The following CORO7 variants were observed in gnomAD, a reference collection of about 807,000 sequenced individuals.
CORO7 encodes coronin-7.
In CORO7, 107 loss-of-function variants were observed where a neutral mutation model predicts 126.6. The observed-to-expected ratio is 0.85, with a 90% CI of 0.72 to 0.99. CORO7 has a LOEUF of 0.99. Among genes scored for constraint, CORO7 ranks in the 50% least tolerant of loss-of-function variants. The pLI, the probability that CORO7 is intolerant of heterozygous loss-of-function variation, is 0.00. For missense variants in CORO7, 1,314 were observed against 1,255.8 expected (o/e 1.05, Z -0.70); for synonymous variants, 603 against 536.8 (o/e 1.12, Z -1.70).
chr16:4,361,051 G>T lies in CORO7; in HGVS notation c.1809C>A (p.His603Gln), dbSNP rs139750538. The T allele has an allele frequency of 6.2e-7, 1 of 1,613,418 alleles. No homozygotes were observed. The highest frequency in any genetic ancestry group is 8.5e-7 in the Non-Finnish European group (1 of 1,180,014). ...HTEKICSLRF[H>Q]PLAANVLASS... ...AGGCCAGCACATTGGCTGCCAGTGG[G>T]TGGAAGCGCAGGGAGCAGATCTTCT... is the stretch of plus-strand genomic sequence containing the variant. The change falls in exon 19 of 28, where the codon CAC becomes CAA. Residue 603 changes from histidine to glutamine, a missense_variant. Physicochemically the swap from His to Gln is conservative, Grantham distance 24. Transcript: ENST00000251166.
At chr16:4,369,081 C>CCCAG (rs1341060228) in intron 9 of CORO7, among the ~76,000 whole-genome samples, 2 of 152,276 alleles carry the variant, frequency 1.3e-5, no homozygotes, top group South Asian at 2.1e-4. Context: ...GTTCCATCGT[C>CCCAG]CCAGCCAGCC....
Position 4,357,765 on chromosome 16 carries a change from G to GTGTGTT in CORO7, c.2593+202_2593+203insAACACA, listed in dbSNP as rs1567241254. ...CCACAGTGTGTGCGTGTGTGTGTGT[G>GTGTGTT]TTAGGGGTGGGGACCTGTGATGAAA... On this transcript the variant is annotated intron_variant, in intron 25 of 27. Coordinates refer to ENST00000251166, the MANE Select transcript of CORO7 (RefSeq NM_024535.5). 578 of 837,622 alleles carry GTGTGTT rather than the reference G, an allele frequency of 6.9e-4. 6 individuals carry two copies. In the African/African-American group the frequency reaches 9.2e-3, roughly 13 times the overall value. 51.9% of individuals were successfully genotyped at this position (837,622 alleles called of 1,614,324 possible). A position where few individuals can be genotyped will look rare whatever the true frequency, so the allele number is the denominator to read the frequency against.
At chr16:4,367,563 T>C (rs1465345904) in intron 9 of CORO7, among the ~76,000 whole-genome samples, 1 of 151,950 alleles carries the variant, frequency 6.6e-6, no homozygotes, top group African/African-American at 2.4e-5. Context: ...GAAGGGAAGG[T>C]TCACCGAGGA....
intron 23 of CORO7, 28 bp from the exon 24 acceptor site, chr16:4,358,511 C>T (rs772896182): frequency 1.5e-5 from 23 of 1,560,588 alleles, no homozygotes; most frequent in Admixed American, 1.8e-5. Context: ...TCGGAGCTGC[C>T]GCTGGGACCT....
At chr16:4,403,098 A>T (rs2141305885) in intron 6 of CORO7, among the ~76,000 whole-genome samples, 1 of 152,086 alleles carries the variant, frequency 6.6e-6, no homozygotes, top group Middle Eastern at 3.4e-3. Flanking sequence ...CCGTGGCATG[A>T]GCAGCTCCAG....
intron 9 of CORO7, chr16:4,381,309 C>A (rs765216259): frequency 6.2e-7 from 1 of 1,611,892 alleles, no homozygotes; most frequent in Non-Finnish European, 8.5e-7. Context: ...CTGGTGCCTT[C>A]GACACGCTCG....
At chr16:4,397,376 G>A (rs972766329) in intron 6 of CORO7, 1 of 151,806 alleles carries the variant, frequency 6.6e-6, no homozygotes, top group Non-Finnish European at 1.5e-5. Flanking sequence ...CTGGGAGACG[G>A]AGGTTGCAAT....
chr16:4,405,451 T>C (rs776932147), intron 6 of CORO7, 40 bp downstream of exon 6: 5 of 1,598,490 alleles, frequency 3.1e-6, no homozygotes, highest in Non-Finnish European at 8.5e-7. Context: ...CCAGGAGGCC[T>C]GCACAGAGCC....
chr16:4,382,573 G>A (rs1596308367), intron 9 of CORO7: 1 of 1,593,534 alleles, frequency 6.3e-7, no homozygotes, highest in Non-Finnish European at 8.5e-7. Flanking sequence ...CCACGCCCCA[G>A]TCACCCAGGC....
At chr16:4,415,942 C>A (rs989497415) in intron 1 of CORO7, 172 of 971,204 alleles carry the variant, frequency 1.8e-4, no homozygotes, top group Non-Finnish European at 2.1e-4. Context: ...CCGGCGGAAA[C>A]CCGAGGGAGG....
intron 9 of CORO7, among the ~76,000 whole-genome samples, chr16:4,370,922 C>A (rs2054501485): frequency 6.6e-6 from 1 of 152,198 alleles, no homozygotes; most frequent in South Asian, 2.1e-4. Context: ...CTGAGCTGGG[C>A]CCCCAAAGGC....
At chr16:4,374,059 G>A (rs1034451878) in intron 9 of CORO7, among the ~76,000 whole-genome samples, 12 of 152,084 alleles carry the variant, frequency 7.9e-5, no homozygotes, top group African/African-American at 2.9e-4. Context: ...GAATTTGCGT[G>A]AGTTCTTGGA....
chr16:4,361,678 G>A (rs191594826), intron 16 of CORO7: 13 of 793,966 alleles, frequency 1.6e-5, no homozygotes, highest in Admixed American at 8.0e-5. Context: ...GGGCAGCAGC[G>A]TGAACTGGCG....
At chr16:4,398,045 A>G (rs1251089512) in intron 6 of CORO7, among the ~76,000 whole-genome samples, 3 of 152,138 alleles carry the variant, frequency 2.0e-5, no homozygotes, top group Non-Finnish European at 4.4e-5. Context: ...CTTCCCAAGT[A>G]TGTGGGACCA....
Position 4,358,406 on chromosome 16 carries a change from G to A in CORO7, c.2418C>T (p.Ser806=). 6.2e-7 allele frequency: 1 copy of A among 1,612,536 alleles called. No individual in the cohort carries two copies. Among genetic ancestry groups the A allele is most frequent in the Non-Finnish European group, 8.5e-7 (1 of 1,179,686 alleles). Residue 806 remains serine, a synonymous_variant, in exon 24 of 28, where the codon TCC becomes TCT. Transcript: ENST00000251166. ...GCCGGAAGGCCACAGGCTCCAGGGA[G>A]GACTGACGCAGCCGCAGGCACCGCA... ...ELMRCLRLRQ[S]SLEPVAFRLP...
intron 3 of CORO7, among the ~76,000 whole-genome samples, chr16:4,410,730 C>G (rs957185601): frequency 2.6e-5 from 4 of 152,172 alleles, no homozygotes; most frequent in Non-Finnish European, 5.9e-5. Context: ...AGAGGAGAGG[C>G]CAGTAAACGT....
intron 9 of CORO7, chr16:4,381,816 G>A (rs751499912): frequency 3.7e-6 from 6 of 1,600,504 alleles, no homozygotes; most frequent in Non-Finnish European, 5.1e-6. Flanking sequence ...GCCCCTGGGT[G>A]CGCGAGAGCC....
chr16:4,397,552 G>A (rs1260617549), intron 6 of CORO7: 2 of 152,106 alleles, frequency 1.3e-5, no homozygotes, highest in Admixed American at 6.5e-5. Context: ...CTTGAGCCCC[G>A]GAATTTGAGA....
rs971101569 is a variant in CORO7 at position 4,404,702 on chromosome 16, A to T, written c.564+789T>A. On this transcript the variant is annotated intron_variant, in intron 6 of 27. Transcript: ENST00000251166. Reference sequence around the variant, plus strand: ...CCTCTCCTACTGCCTCAGGACCGCCACGCCTCCCACCCAATCCTTCTCCAA... The same window carrying T: ...CCTCTCCTACTGCCTCAGGACCGCCTCGCCTCCCACCCAATCCTTCTCCAA... Among the ~76,000 whole-genome samples, 2 of 151,444 alleles carry T rather than the reference A, an allele frequency of 1.3e-5. 1 individual carries two copies. Among genetic ancestry groups the T allele is most frequent in the South Asian group, 4.2e-4 (2 of 4,772 alleles).
Sources: gnomAD v4.1 joint callset for allele counts (sites outside exome capture counted in the v4.1 genomes callset) on GRCh38, gnomAD v4.1.1 for gene constraint, MANE v1.5 for transcripts, NCBI Gene and HGNC (gene_info 2026-07-23, HGNC 2026-07-21) for gene names.